CCR9: variants seen among roughly 807,000 people sequenced by gnomAD.
The protein encoded by CCR9 is C-C motif chemokine receptor 9.
CCR9 carries 4 observed loss-of-function variants against 8.7 expected under a neutral mutation model. The observed-to-expected ratio is 0.46, with a 90% CI of 0.23 to 1.06. CCR9 has a LOEUF of 1.06. Ranked by LOEUF, CCR9 falls within the 50% of genes least tolerant of loss-of-function variation. The probability of loss-of-function intolerance (pLI) is 0.21; values close to 1 mark genes in which losing one functional copy is unlikely to be tolerated. For synonymous variants in CCR9, 159 were observed against 168.8 expected, an observed-to-expected ratio of 0.94 and a Z score of 0.45; for missense variants, 394 against 453.6, an observed-to-expected ratio of 0.87 and a Z score of 1.19.
chr3:45,888,730 A>G (rs6441932), intron 1 of CCR9, among the ~76,000 whole-genome samples: 78,215 of 152,080 alleles, frequency 0.51, 23,302 homozygotes, highest in African/African-American at 0.83. Flanking sequence ...CTGGCAAGAC[A>G]AAAATGAAAG....
intron 1 of CCR9, among the ~76,000 whole-genome samples, chr3:45,889,352 T>C (rs916918025): frequency 6.6e-6 from 1 of 152,108 alleles, no homozygotes. Flanking sequence ...GTGTACAACT[T>C]AGTTGCATAA....
In CCR9 at chr3:45,901,037, C is replaced by T. The variant is rs191809380; in HGVS notation, c.249C>T (p.Thr83=). 4.0e-5 allele frequency: 65 copies of T among 1,614,172 alleles called. No homozygotes were observed. Among genetic ancestry groups the T allele is most frequent in the South Asian group, 1.3e-4 (12 of 91,082 alleles). ...ACTGCACAAGAGTGAAGACCATGAC[C>T]GACATGTTCCTTTTGAATTTGGCAA... is the stretch of plus-strand genomic sequence containing the variant. ...YWYCTRVKTM[T]DMFLLNLAIA... Residue 83 remains threonine (T), a synonymous_variant, in exon 3 of 3, where the codon ACC becomes ACT. Transcript: ENST00000357632. This position sits in a 1 kb window ranked among gnomAD's most constrained non-coding sequence, Gnocchi z 4.3.
chr3:45,897,756 C>T (rs1200921020), intron 2 of CCR9: 4 of 609,896 alleles, frequency 6.6e-6, no homozygotes, highest in Non-Finnish European at 2.8e-6. Flanking sequence ...CCTCCCTTGC[C>T]TTCTTCTTTC....
intron 1 of CCR9, among the ~76,000 whole-genome samples, chr3:45,894,487 A>AG (rs1351556800): frequency 4.6e-5 from 7 of 152,292 alleles, no homozygotes; most frequent in African/African-American, 1.7e-4. Context: ...CTGATAGAGC[A>AG]GGGGGAAGGG....
chr3:45,895,143 G>T, intron 2 of CCR9, 189 bp downstream of exon 2: 1 of 637,002 alleles, frequency 1.6e-6, no homozygotes, highest in Non-Finnish European at 2.8e-6. Flanking sequence ...AATGCAAAGA[G>T]GCAGCTATGC....
chr3:45,895,974 T>C (rs759580551), intron 2 of CCR9, among the ~76,000 whole-genome samples: 30 of 152,338 alleles, frequency 2.0e-4, no homozygotes, highest in South Asian at 1.2e-3. Context: ...TGGGTTTCCA[T>C]GATCTATGGA....
chr3:45,900,763 T>A lies in CCR9; in HGVS notation c.22-47T>A, dbSNP rs1231968563. 1 of 1,563,586 alleles carries A rather than the reference T, an allele frequency of 6.4e-7. No homozygotes were observed. The highest frequency in any genetic ancestry group is 1.3e-5 in the African/African-American group (1 of 74,078). On this transcript the variant is annotated intron_variant, in intron 2 of 2. Coordinates refer to ENST00000357632, the MANE Select transcript of CCR9 (RefSeq NM_031200.3). The surrounding 1 kb of genome is among the most constrained non-coding windows in gnomAD (Gnocchi z 4.7). ...CATGCCTCTGCCATCAGACAGGACCTTCAAAATATTTTCCTTGACCTAATG... is the reference window on the plus strand; with the variant it reads ...CATGCCTCTGCCATCAGACAGGACCATCAAAATATTTTCCTTGACCTAATG...
At position 45,890,350 on chromosome 3, in the gene CCR9, C is replaced by CATATATATATATATAACAT. The variant is rs1559421673; in HGVS notation, c.-29+3701_-29+3719dup. Among the ~76,000 whole-genome samples the CATATATATATATATAACAT allele has an allele frequency of 8.9e-3, 204 of 23,010 alleles. 51 individuals carry two copies. The highest frequency in any genetic ancestry group is 0.034 in the African/African-American group (193 of 5,672). 15.1% of individuals were successfully genotyped at this position (23,010 alleles called of 152,430 possible). ...ATATATATATAACATATATATATAA[C>CATATATATATATATAACAT]ATATATATATATATAACATATATAA... On this transcript the variant is annotated intron_variant, in intron 1 of 2. Transcript: ENST00000357632.
In CCR9 at chr3:45,901,612, T is replaced by C; in HGVS notation, c.824T>C (p.Leu275Ser). 3 of 1,614,252 alleles carry C rather than the reference T, an allele frequency of 1.9e-6. No individual in the cohort carries two copies. The highest frequency in any genetic ancestry group is 2.5e-6 in the Non-Finnish European group (3 of 1,180,032). Residue 275 changes from leucine (L) to serine (S), a missense_variant, in exon 3 of 3, where the codon TTG (leucine) becomes TCG (serine). By Grantham distance (145) the Leu-to-Ser change is moderately radical (BLOSUM62 -2). Transcript: ENST00000357632. The surrounding 1 kb of genome is among the most constrained non-coding windows in gnomAD (Gnocchi z 4.3). ...LSQFPYNCIL[L>S]VQTIDAYAMF... ...CAGTTTCCCTACAACTGCATTTTGT[T>C]GGTGCAGACCATTGACGCCTATGCC...
At chr3:45,898,803 T>G (rs1702452459) in intron 2 of CCR9, among the ~76,000 whole-genome samples, 1 of 152,264 alleles carries the variant, frequency 6.6e-6, no homozygotes, top group Admixed American at 6.5e-5. Flanking sequence ...TAGAAAACAT[T>G]GTTAAACAAA....
At position 45,901,621 on chromosome 3, in the gene CCR9, C is replaced by T. The variant is rs749878928; in HGVS notation, c.833C>T (p.Thr278Ile). The T allele has an allele frequency of 1.2e-6, 2 of 1,614,082 alleles. No homozygotes were observed. Among genetic ancestry groups the T allele is most frequent in the African/African-American group, 1.3e-5 (1 of 74,938 alleles). Reference protein sequence around the residue: ...FPYNCILLVQTIDAYAMFISN... With the variant: ...FPYNCILLVQIIDAYAMFISN... Reference sequence around the variant, plus strand: ...TACAACTGCATTTTGTTGGTGCAGACCATTGACGCCTATGCCATGTTCATC... The same window carrying T: ...TACAACTGCATTTTGTTGGTGCAGATCATTGACGCCTATGCCATGTTCATC... Residue 278 changes from threonine to isoleucine, a missense_variant, in exon 3 of 3, where the codon ACC (threonine) becomes ATC (isoleucine). By Grantham distance (89) the Thr-to-Ile change is moderately conservative. Coordinates refer to ENST00000357632, the MANE Select transcript of CCR9 (RefSeq NM_031200.3). The surrounding 1 kb of genome is among the most constrained non-coding windows in gnomAD (Gnocchi z 4.3).
intron 2 of CCR9, among the ~76,000 whole-genome samples, chr3:45,895,981 T>C (rs1702343555): frequency 6.6e-6 from 1 of 152,232 alleles, no homozygotes; most frequent in African/African-American, 2.4e-5. Flanking sequence ...CCATGATCTA[T>C]GGAGAGTGGT....
rs759329161 is a variant in CCR9, at chr3:45,901,064, T to C, written c.276T>C (p.Ile92=). The C allele has an allele frequency of 1.2e-6, 2 of 1,614,218 alleles. No individual in the cohort carries two copies. The highest frequency in any genetic ancestry group is 1.7e-6 in the Non-Finnish European group (2 of 1,180,028). The part of the protein sequence containing the change: ...MTDMFLLNLA[I]ADLLFLVTLP... The stretch of plus-strand genomic sequence containing the variant: ...ACATGTTCCTTTTGAATTTGGCAAT[T>C]GCTGACCTCCTCTTTCTTGTCACTC... The change falls in exon 3 of 3, where the codon ATT becomes ATC. Residue 92 remains isoleucine (I), a synonymous_variant. Coordinates refer to ENST00000357632, the MANE Select transcript of CCR9 (RefSeq NM_031200.3). The surrounding 1 kb of genome is among the most constrained non-coding windows in gnomAD (Gnocchi z 4.3).
chr3:45,895,096 G>A (rs921168102), intron 2 of CCR9, 142 bp downstream of exon 2: 2 of 876,546 alleles, frequency 2.3e-6, no homozygotes, highest in East Asian at 2.4e-5. Flanking sequence ...AATGCGCATT[G>A]CTGGGTAGGT....
rs1485854913 is a variant in CCR9 at position 45,901,250 on chromosome 3, A to C, written c.462A>C (p.Ala154=). The change falls in exon 3 of 3, where the codon GCA becomes GCC. Residue 154 remains alanine, a synonymous_variant. Coordinates refer to ENST00000357632, the MANE Select transcript of CCR9 (RefSeq NM_031200.3). This position sits in a 1 kb window ranked among gnomAD's most constrained non-coding sequence, Gnocchi z 4.3. ...TTGCCATTGCCCAGGCCATGAGAGCACATACTTGGAGGGAGAAAAGGCTTT... is the reference window on the plus strand; with the variant it reads ...TTGCCATTGCCCAGGCCATGAGAGCCCATACTTGGAGGGAGAAAAGGCTTT... ...RYIAIAQAMR[A]HTWREKRLLY... is the part of the protein sequence containing the mutation. 22 of 1,614,120 alleles carry C rather than the reference A, an allele frequency of 1.4e-5. No homozygotes were observed. Among genetic ancestry groups the C allele is most frequent in the Non-Finnish European group, 1.8e-5 (21 of 1,180,056 alleles).
Position 45,901,101 on chromosome 3 carries a change from G to C in CCR9, c.313G>C (p.Ala105Pro), listed in dbSNP as rs765324859. The change falls in exon 3 of 3, where the codon GCC (alanine) becomes CCC (proline). Residue 105 changes from alanine to proline, a missense_variant. Transcript: ENST00000357632. This position sits in a 1 kb window ranked among gnomAD's most constrained non-coding sequence, Gnocchi z 4.3. Reference protein sequence around the residue: ...LLFLVTLPFWAIAAADQWKFQ... With the variant: ...LLFLVTLPFWPIAAADQWKFQ... ...CTTTCTTGTCACTCTTCCCTTCTGGGCCATTGCTGCTGCTGACCAGTGGAA... is the reference window on the plus strand; with the variant it reads ...CTTTCTTGTCACTCTTCCCTTCTGGCCCATTGCTGCTGCTGACCAGTGGAA... The C allele has an allele frequency of 6.2e-7, 1 of 1,614,092 alleles. No individual in the cohort carries two copies. The highest frequency in any genetic ancestry group is 8.5e-7 in the Non-Finnish European group (1 of 1,180,024).
intron 1 of CCR9, among the ~76,000 whole-genome samples, chr3:45,886,870 C>A (rs1414298495): frequency 6.6e-6 from 1 of 152,132 alleles, no homozygotes; most frequent in African/African-American, 2.4e-5. Flanking sequence ...ACTCCCTCCC[C>A]CTTCACATAC....
intron 1 of CCR9, among the ~76,000 whole-genome samples, chr3:45,892,989 T>C (rs764474971): frequency 1.3e-5 from 2 of 152,186 alleles, no homozygotes; most frequent in Non-Finnish European, 2.9e-5. Context: ...GGTCCAATTA[T>C]AATAAACTGC....
At chr3:45,896,379 G>A (rs1215145155) in intron 2 of CCR9, among the ~76,000 whole-genome samples, 1 of 152,224 alleles carries the variant, frequency 6.6e-6, no homozygotes, top group Non-Finnish European at 1.5e-5. Flanking sequence ...TAAATGGGAA[G>A]AAGATGGGAC....
Sources: allele counts gnomAD v4.1 joint callset (sites outside exome capture counted in the v4.1 genomes callset), GRCh38; gene constraint gnomAD v4.1.1; non-coding constraint Gnocchi (gnomAD v3.1); transcripts MANE v1.5; gene names NCBI Gene and HGNC (gene_info 2026-07-23, HGNC 2026-07-21).